DHX35: variants seen among roughly 807,000 people sequenced by gnomAD.
DHX35 encodes probable ATP-dependent RNA helicase DHX35.
Under a neutral mutation model 99.6 loss-of-function variants are expected in DHX35, and 84 were observed. The observed-to-expected ratio is 0.84, with a 90% CI of 0.71 to 1.01. DHX35 has a LOEUF of 1.01. Ranked by LOEUF, DHX35 falls within the 50% of genes least tolerant of loss-of-function variation. The probability of loss-of-function intolerance (pLI) is 0.00; values close to 1 mark genes in which losing one functional copy is unlikely to be tolerated. For synonymous variants in DHX35, 331 were observed against 316.2 expected (o/e 1.05, Z -0.50); for missense variants, 852 against 888.5 (o/e 0.96, Z 0.52).
intron 4 of DHX35, among the ~76,000 whole-genome samples, chr20:38,986,975 C>T (rs1188269765): frequency 6.6e-6 from 1 of 152,206 alleles, no homozygotes; most frequent in Non-Finnish European, 1.5e-5. Flanking sequence ...AGCCTCTGCC[C>T]TCCTGAGCCT....
intron 11 of DHX35, among the ~76,000 whole-genome samples, chr20:39,004,697 T>C (rs2086584444): frequency 6.6e-6 from 1 of 152,250 alleles, no homozygotes; most frequent in Non-Finnish European, 1.5e-5. Flanking sequence ...TTGAAGGAGC[T>C]GGCAGGCAGC....
At chr20:39,003,612 G>T in intron 10 of DHX35, 137 bp from the exon 11 acceptor site, 1 of 970,012 alleles carries the variant, frequency 1.0e-6, no homozygotes. Flanking sequence ...TCCCAGAGTG[G>T]AACATGACGG....
Position 39,038,575 on chromosome 20 carries a change from C to T in DHX35, c.*32C>T. On this transcript the variant is annotated 3_prime_UTR_variant, in exon 22 of 22. Transcript: ENST00000252011. Reference sequence around the variant, plus strand: ...CCCACAGCTACAGCTGCAGGGACTGCTGGCGTCCTCTCCTCCATGCTGCTG... The same window carrying T: ...CCCACAGCTACAGCTGCAGGGACTGTTGGCGTCCTCTCCTCCATGCTGCTG... 1 of 1,602,796 alleles carries T rather than the reference C, an allele frequency of 6.2e-7. No individual in the cohort carries two copies. The highest frequency in any genetic ancestry group is 2.2e-5 in the East Asian group (1 of 44,620).
chr20:38,998,368 A>G (rs1226146408), intron 8 of DHX35, among the ~76,000 whole-genome samples: 1 of 152,242 alleles, frequency 6.6e-6, no homozygotes, highest in Non-Finnish European at 1.5e-5. Flanking sequence ...ACCCTGGACC[A>G]GTCTACATGG....
chr20:38,969,600 T>C (rs909658729), intron 2 of DHX35, among the ~76,000 whole-genome samples: 1 of 152,194 alleles, frequency 6.6e-6, no homozygotes, highest in Non-Finnish European at 1.5e-5. Flanking sequence ...TTTAAACAAG[T>C]TTAATTGGGA....
intron 8 of DHX35, among the ~76,000 whole-genome samples, chr20:39,000,423 A>G (rs75943204): frequency 0.02 from 3,080 of 152,218 alleles, 111 homozygotes; most frequent in African/African-American, 0.07. Flanking sequence ...TGTGCATGTC[A>G]TAGGGATGCA....
chr20:39,016,415 C>T (rs927813986), intron 14 of DHX35, among the ~76,000 whole-genome samples: 4 of 152,312 alleles, frequency 2.6e-5, no homozygotes, highest in African/African-American at 9.6e-5. Context: ...ATAGCAGCTT[C>T]TTTCATTTAG....
At chr20:38,984,347 A>G (rs958534909) in intron 4 of DHX35, among the ~76,000 whole-genome samples, 1 of 152,228 alleles carries the variant, frequency 6.6e-6, no homozygotes, top group Non-Finnish European at 1.5e-5. Flanking sequence ...TCACCATCCA[A>G]CATAAACAAT....
intron 3 of DHX35, among the ~76,000 whole-genome samples, chr20:38,979,767 CA>C (rs2086142075): frequency 6.7e-6 from 1 of 150,346 alleles, no homozygotes; most frequent in Admixed American, 6.6e-5. Flanking sequence ...AAACAATGTG[CA>C]AAAGCACTGG....
intron 21 of DHX35, among the ~76,000 whole-genome samples, chr20:39,037,933 A>G (rs544876067): frequency 1.6e-4 from 25 of 152,174 alleles, no homozygotes; most frequent in Non-Finnish European, 2.9e-4. Context: ...GGGAAAAAAA[A>G]AAGTGTCACT....
rs755877706 is a variant in DHX35, at chr20:39,003,771, C to T, written c.875C>T (p.Ser292Leu). Residue 292 changes from serine to leucine, a missense_variant, in exon 11 of 22, where the codon TCG (serine) becomes TTG (leucine). Physicochemically the swap from Ser to Leu is moderately radical, Grantham distance 145. Transcript: ENST00000252011. Reference sequence around the variant, plus strand: ...TAGGAAGAGGTAGAAACTGTTGTGTCGATGCTCATCGAGCAGGCTCGAGCA... The same window carrying T: ...TAGGAAGAGGTAGAAACTGTTGTGTTGATGCTCATCGAGCAGGCTCGAGCA... ...TGQEEVETVV[S>L]MLIEQARALA... The T allele has an allele frequency of 9.9e-6, 16 of 1,613,830 alleles. No homozygotes were observed. Among genetic ancestry groups the T allele is most frequent in the Admixed American group, 1.7e-5 (1 of 59,994 alleles).
chr20:38,980,162 A>G (rs1033481353), intron 3 of DHX35, among the ~76,000 whole-genome samples: 1 of 152,012 alleles, frequency 6.6e-6, no homozygotes, highest in African/African-American at 2.4e-5. Flanking sequence ...TGAGGTGACT[A>G]GCTTTATGGA....
At chr20:38,972,499 G>A (rs767430702) in intron 2 of DHX35, 60 bp from the exon 3 acceptor site, 45 of 1,049,226 alleles carry the variant, frequency 4.3e-5, no homozygotes, top group South Asian at 6.7e-5. Context: ...TTTAAATATC[G>A]TTGTTTAGGT....
At position 38,988,578 on chromosome 20, in the gene DHX35, C is replaced by T. The variant is rs137942676; in HGVS notation, c.346-235C>T. ...TTGGGAGGTGGAGGTTGCAGTGAGCCGAGATTGTGCCACTGCCCTCCAGCC... is the reference window on the plus strand; with the variant it reads ...TTGGGAGGTGGAGGTTGCAGTGAGCTGAGATTGTGCCACTGCCCTCCAGCC... On this transcript the variant is annotated intron_variant, in intron 4 of 21. Coordinates refer to ENST00000252011, the MANE Select transcript of DHX35 (RefSeq NM_021931.4). Among the ~76,000 whole-genome samples, 621 of 152,096 alleles carry T rather than the reference C, an allele frequency of 4.1e-3. 7 individuals are homozygous for T. The highest frequency in any genetic ancestry group is 0.014 in the African/African-American group (591 of 41,476).
rs781444825 is a variant in DHX35, at chr20:39,006,173, A to T, written c.1039A>T (p.Thr347Ser). The T allele has an allele frequency of 3.7e-6, 6 of 1,613,940 alleles. No homozygotes were observed. The highest frequency in any genetic ancestry group is 5.1e-6 in the Non-Finnish European group (6 of 1,179,872). Reference protein sequence around the residue: ...KVIVATNVAETSITISGIVYV... With the variant: ...KVIVATNVAESSITISGIVYV... ...GATAGTGGCCACCAATGTGGCAGAAACCTCTATCACAATCAGCGGCATTGT... is the reference window on the plus strand; with the variant it reads ...GATAGTGGCCACCAATGTGGCAGAATCCTCTATCACAATCAGCGGCATTGT... Residue 347 changes from threonine to serine, a missense_variant, in exon 12 of 22, where the codon ACC (threonine) becomes TCC (serine). By Grantham distance (58) the Thr-to-Ser change is moderately conservative. Coordinates refer to ENST00000252011, the MANE Select transcript of DHX35 (RefSeq NM_021931.4).
intron 3 of DHX35, among the ~76,000 whole-genome samples, chr20:38,976,540 A>G (rs1362410584): frequency 6.6e-6 from 1 of 151,652 alleles, no homozygotes; most frequent in Non-Finnish European, 1.5e-5. Context: ...TTGTATAATG[A>G]TCAAATCTGG....
chr20:38,988,012 C>A (rs1383209354), intron 4 of DHX35, among the ~76,000 whole-genome samples: 1 of 152,088 alleles, frequency 6.6e-6, no homozygotes, highest in African/African-American at 2.4e-5. Context: ...CTTCATGGTC[C>A]CGGGGGATGG....
At chr20:39,023,954 A>G (rs2086911744) in intron 17 of DHX35, among the ~76,000 whole-genome samples, 187 bp downstream of exon 17, 1 of 152,190 alleles carries the variant, frequency 6.6e-6, no homozygotes. Context: ...GTGGTGAGGT[A>G]TTGCTGAGAA....
intron 12 of DHX35, 76 bp downstream of exon 12, chr20:39,006,432 T>G (rs929289141): frequency 1.3e-6 from 2 of 1,499,482 alleles, no homozygotes; most frequent in African/African-American, 2.8e-5. Context: ...AAATGTTTAC[T>G]CCTAATGGTA....
Sources: allele counts gnomAD v4.1 joint callset (sites outside exome capture counted in the v4.1 genomes callset), GRCh38; gene constraint gnomAD v4.1.1; transcripts MANE v1.5; gene names NCBI Gene and HGNC (gene_info 2026-07-23, HGNC 2026-07-21).